MICU3: variants seen among roughly 807,000 people sequenced by gnomAD.
MICU3 encodes calcium uptake protein 3, mitochondrial.
Under a neutral mutation model 66.5 loss-of-function variants are expected in MICU3, and 62 were observed. That is an observed-to-expected ratio of 0.93 (90% CI 0.76 to 1.15). The LOEUF (loss-of-function observed/expected upper bound fraction) is 1.15, where lower values mean the gene tolerates loss of function less well. MICU3 is among the 50% of genes most tolerant of loss of function. The probability of loss-of-function intolerance (pLI) is 0.00; values close to 1 mark genes in which losing one functional copy is unlikely to be tolerated. For synonymous variants in MICU3, 308 were observed against 240.7 expected (o/e 1.28, Z -2.59); for missense variants, 779 against 664.4 (o/e 1.17, Z -1.90).
At chr8:17,033,789 A>T (rs1343048211) in intron 1 of MICU3, among the ~76,000 whole-genome samples, 1 of 152,278 alleles carries the variant, frequency 6.6e-6, no homozygotes, top group East Asian at 1.9e-4. Context: ...GCAGAAGAAA[A>T]GTTGGAAGTT....
At chr8:17,096,493 T>A (rs1346783322) in intron 8 of MICU3, among the ~76,000 whole-genome samples, 1 of 151,890 alleles carries the variant, frequency 6.6e-6, no homozygotes, top group Non-Finnish European at 1.5e-5. Flanking sequence ...TATATAGGAA[T>A]CAGTGAGTGT....
At chr8:17,032,817 A>G (rs1003944559) in intron 1 of MICU3, among the ~76,000 whole-genome samples, 4 of 152,206 alleles carry the variant, frequency 2.6e-5, no homozygotes, top group Admixed American at 6.5e-5. Context: ...TTTTTCCAAC[A>G]TTATACGCGT....
In MICU3 at chr8:17,104,452, A is replaced by T. The variant is rs199588638; in HGVS notation, c.1046A>T (p.Lys349Met). Residue 349 changes from lysine (K) to methionine (M), a missense_variant, in exon 10 of 15, where the codon AAG becomes ATG. Coordinates refer to ENST00000318063, the MANE Select transcript of MICU3 (RefSeq NM_181723.3). ...ACACTTCTTGTACACTTTTTTGGAA[A>T]GAAAGGAAAAGCTGAGCTCAACTTT... ...DTTLLVHFFG[K>M]KGKAELNFED... 6 of 1,464,782 alleles carry T rather than the reference A, an allele frequency of 4.1e-6. No homozygotes were observed. In the East Asian group the frequency reaches 1.2e-4, roughly 29 times the overall value. 90.7% of individuals were successfully genotyped at this position (1,464,782 alleles called of 1,614,324 possible).
intron 1 of MICU3, among the ~76,000 whole-genome samples, chr8:17,041,636 G>T (rs1453568387): frequency 6.6e-6 from 1 of 151,882 alleles, no homozygotes; most frequent in Non-Finnish European, 1.5e-5. Flanking sequence ...GTGTTTAAAT[G>T]CTGATGGAAA....
In MICU3 at chr8:17,118,753, A is replaced by G. The variant is rs1442128550; in HGVS notation, c.1571A>G (p.Lys524Arg). ...TACCCCACTTTCAAATCCTGCCTGA[A>G]GAAAGAACTTCACAGCAGATAAGTA... ...QKYPTFKSCL[K>R]KELHSR is the part of the protein sequence containing the mutation. Residue 524 changes from lysine to arginine, a missense_variant, in exon 14 of 15, where the codon AAG becomes AGG. By Grantham distance (26) the Lys-to-Arg change is conservative. Transcript: ENST00000318063. 5.6e-6 allele frequency: 9 copies of G among 1,611,978 alleles called. No individual in the cohort carries two copies. Among genetic ancestry groups the G allele is most frequent in the Non-Finnish European group, 6.8e-6 (8 of 1,178,402 alleles).
intron 3 of MICU3, among the ~76,000 whole-genome samples, chr8:17,070,785 C>T (rs764077755): frequency 3.0e-4 from 45 of 152,024 alleles, no homozygotes; most frequent in African/African-American, 8.9e-4. Context: ...TATTAGTCCC[C>T]GTTTATCAGT....
At chr8:17,051,314 G>C (rs1816039652) in intron 1 of MICU3, among the ~76,000 whole-genome samples, 1 of 152,088 alleles carries the variant, frequency 6.6e-6, no homozygotes, top group African/African-American at 2.4e-5. Context: ...CATTTATTCA[G>C]CAAATAGTTG....
intron 3 of MICU3, 57 bp downstream of exon 3, chr8:17,069,776 A>G: frequency 3.5e-6 from 2 of 577,618 alleles, no homozygotes; most frequent in East Asian, 3.9e-5. Flanking sequence ...GCATATATAC[A>G]TATATAATTA....
At chr8:17,069,781 TA>T in intron 3 of MICU3, 62 bp downstream of exon 3, 1 of 539,756 alleles carries the variant, frequency 1.9e-6, no homozygotes, top group Non-Finnish European at 2.9e-6. Flanking sequence ...TATACATATA[TA>T]ATTAAAATAT....
chr8:17,134,749 C>T, the MICU3 span, among the ~76,000 whole-genome samples: 1 of 152,152 alleles, frequency 6.6e-6, no homozygotes, highest in Non-Finnish European at 1.5e-5. Context: ...GGCCGAAAGT[C>T]AGCCTTTTTG....
At chr8:17,045,667 A>G (rs1477811378) in intron 1 of MICU3, among the ~76,000 whole-genome samples, 1 of 152,198 alleles carries the variant, frequency 6.6e-6, no homozygotes, top group Non-Finnish European at 1.5e-5. Context: ...CTACACATCT[A>G]TATTAGTCTG....
At chr8:17,119,368 G>GT (rs1312855310) in intron 14 of MICU3, among the ~76,000 whole-genome samples, 1 of 151,912 alleles carries the variant, frequency 6.6e-6, no homozygotes, top group African/African-American at 2.4e-5. Context: ...CGAGGAGTTT[G>GT]TTTTTTTCTT....
At chr8:17,095,296 T>C (rs201899644) in intron 8 of MICU3, among the ~76,000 whole-genome samples, 2 of 152,082 alleles carry the variant, frequency 1.3e-5, no homozygotes, top group African/African-American at 2.4e-5. Context: ...TCAGATTCTT[T>C]AAGGACTAGA....
At chr8:17,072,463 T>G (rs1226266517) in intron 3 of MICU3, among the ~76,000 whole-genome samples, 9 of 152,022 alleles carry the variant, frequency 5.9e-5, no homozygotes. Context: ...GGTTTTTTTT[T>G]TTTTAGATAA....
chr8:17,118,656 G>C, intron 13 of MICU3, 51 bp from the exon 14 acceptor site: 1 of 1,149,154 alleles, frequency 8.7e-7, no homozygotes, highest in Non-Finnish European at 1.3e-6. Context: ...GTGAAATCAC[G>C]CTGTATTTGT....
intron 1 of MICU3, among the ~76,000 whole-genome samples, chr8:17,031,104 G>C (rs1811959102): frequency 1.3e-5 from 2 of 151,906 alleles, no homozygotes; most frequent in Admixed American, 1.3e-4. Context: ...TGTAGTCCCA[G>C]CTACTCAGGG....
chr8:17,106,851 A>G (rs1038530623), intron 11 of MICU3, among the ~76,000 whole-genome samples: 1 of 151,804 alleles, frequency 6.6e-6, no homozygotes, highest in African/African-American at 2.4e-5. Flanking sequence ...CCGTTGTCCA[A>G]GGATTCAAAT....
intron 3 of MICU3, among the ~76,000 whole-genome samples, chr8:17,073,488 C>T (rs1819914309): frequency 6.6e-6 from 1 of 152,146 alleles, no homozygotes; most frequent in South Asian, 2.1e-4. Flanking sequence ...AGAAAACAAG[C>T]TCAGGACTCC....
chr8:17,116,720 T>G, intron 13 of MICU3, 120 bp downstream of exon 13: 3 of 736,274 alleles, frequency 4.1e-6, no homozygotes, highest in Non-Finnish European at 6.3e-6. Flanking sequence ...AATGCTTTAT[T>G]TGAAAAGAAA....
Sources: gnomAD v4.1 joint callset for allele counts (sites outside exome capture counted in the v4.1 genomes callset) on GRCh38, gnomAD v4.1.1 for gene constraint, MANE v1.5 for transcripts, NCBI Gene and HGNC (gene_info 2026-07-23, HGNC 2026-07-21) for gene names.